Variants in CERS6 observed in about 807,000 individuals in gnomAD.
CERS6 encodes LAG1 homolog, ceramide synthase 6.
A neutral mutation model predicts 56.8 loss-of-function variants in CERS6; 26 were observed. The ratio of observed to expected loss-of-function variants is 0.46; its 90% CI spans 0.34 to 0.63. The LOEUF is 0.63. Ranked by LOEUF, CERS6 falls within the 30% of genes least tolerant of loss-of-function variation. The probability of loss-of-function intolerance (pLI) is 0.01; values close to 1 mark genes in which losing one functional copy is unlikely to be tolerated. For missense variants in CERS6, 415 were observed against 467.5 expected (o/e 0.89, Z 1.04); for synonymous variants, 164 against 173.3 (o/e 0.95, Z 0.42).
Position 168,477,173 on chromosome 2 carries a change from C to CAGAGAGAGAG in CERS6, c.170+20592_170+20601dup, listed in dbSNP as rs10609883. On this transcript the variant is annotated intron_variant, in intron 1 of 9. Transcript: ENST00000305747. ...AGGGAGGAAAGGAATGAGGGAGAGACAGAGAGAGAGAGAGAGAGAGAGAGA... is the reference window on the plus strand; with the variant it reads ...AGGGAGGAAAGGAATGAGGGAGAGACAGAGAGAGAGAGAGAGAGAGAGAGAGAGAGAGAGA... Among the ~76,000 whole-genome samples, 518 of 115,504 alleles carry CAGAGAGAGAG rather than the reference C, an allele frequency of 4.5e-3. 9 individuals carry two copies. Among genetic ancestry groups the CAGAGAGAGAG allele is most frequent in the African/African-American group, 0.01 (300 of 29,948 alleles). 75.8% of individuals were successfully genotyped at this position (115,504 alleles called of 152,430 possible).
At chr2:168,479,959 A>G (rs1465571228) in intron 1 of CERS6, among the ~76,000 whole-genome samples, 1 of 152,202 alleles carries the variant, frequency 6.6e-6, no homozygotes, top group East Asian at 1.9e-4. Context: ...CAAAGGTCTT[A>G]CATTTGAATT....
intron 2 of CERS6, among the ~76,000 whole-genome samples, chr2:168,558,479 C>T (rs1478813708): frequency 1.3e-5 from 2 of 152,154 alleles, no homozygotes; most frequent in African/African-American, 4.8e-5. Flanking sequence ...AAACCCAAAG[C>T]CCGGACAAAT....
intron 8 of CERS6, among the ~76,000 whole-genome samples, chr2:168,748,380 A>G (rs1316010870): frequency 6.6e-6 from 1 of 152,240 alleles, no homozygotes; most frequent in African/African-American, 2.4e-5. Flanking sequence ...TGTTAGTTAA[A>G]TAATTTTTTA....
chr2:168,521,976 A>G (rs1278323458), intron 1 of CERS6, among the ~76,000 whole-genome samples: 1 of 152,184 alleles, frequency 6.6e-6, no homozygotes, highest in African/African-American at 2.4e-5. Flanking sequence ...CACCTCCATC[A>G]TTGAAAGCCT....
chr2:168,533,156 CTTG>C (rs1259320698), intron 1 of CERS6, among the ~76,000 whole-genome samples: 4 of 152,132 alleles, frequency 2.6e-5, no homozygotes, highest in African/African-American at 4.8e-5. Flanking sequence ...GCATTTTATA[CTTG>C]TTGTATATCT....
intron 3 of CERS6, among the ~76,000 whole-genome samples, chr2:168,575,724 T>G (rs1683246602): frequency 6.6e-6 from 1 of 152,152 alleles, no homozygotes; most frequent in African/African-American, 2.4e-5. Context: ...TTTTATTCTT[T>G]TCCTAAGAAT....
intron 3 of CERS6, among the ~76,000 whole-genome samples, chr2:168,568,765 G>A (rs969730767): frequency 2.6e-5 from 4 of 152,192 alleles, no homozygotes; most frequent in Non-Finnish European, 5.9e-5. Context: ...CAGTAGTATA[G>A]TCACTTGTGC....
chr2:168,546,189 G>A (rs954709307), intron 1 of CERS6, among the ~76,000 whole-genome samples: 2 of 152,126 alleles, frequency 1.3e-5, no homozygotes, highest in Non-Finnish European at 2.9e-5. Context: ...ATAGAGAAGG[G>A]CCAGAGTCGT....
At position 168,774,063 on chromosome 2, in the gene CERS6, G is replaced by A. The variant is rs1024783091; in HGVS notation, c.*4401G>A. 1.3e-5 allele frequency: 2 copies of A among 152,214 alleles called. No individual in the cohort carries two copies. The highest frequency in any genetic ancestry group is 4.8e-5 in the African/African-American group (2 of 41,460). The allele number at this position is 152,214 out of a possible 1,614,324, so 9.4% of individuals were successfully genotyped here. On this transcript the variant is annotated 3_prime_UTR_variant, in exon 10 of 10. Coordinates refer to ENST00000305747, the MANE Select transcript of CERS6 (RefSeq NM_203463.3). ...CAAAGGAGAAGCTTGGTCTTTTCCA[G>A]GTATTTCCAACTTGAGTTCAACCCA...
chr2:168,506,106 T>C (rs534933333), intron 1 of CERS6, among the ~76,000 whole-genome samples: 29 of 152,310 alleles, frequency 1.9e-4, no homozygotes, highest in African/African-American at 7.0e-4. Flanking sequence ...TGCCAATTCA[T>C]GCGGCCTTCT....
At chr2:168,634,757 G>C (rs758996077) in intron 4 of CERS6, among the ~76,000 whole-genome samples, 1 of 152,144 alleles carries the variant, frequency 6.6e-6, no homozygotes. Context: ...ACACACGCAT[G>C]TATGTAAAAG....
intron 8 of CERS6, among the ~76,000 whole-genome samples, chr2:168,755,261 C>A (rs1459479912): frequency 6.6e-6 from 1 of 152,172 alleles, no homozygotes; most frequent in African/African-American, 2.4e-5. Flanking sequence ...AATAATGAGA[C>A]TGAATCTAAT....
chr2:168,463,075 G>A (rs978502239), intron 1 of CERS6, among the ~76,000 whole-genome samples: 2 of 152,126 alleles, frequency 1.3e-5, no homozygotes, highest in African/African-American at 4.8e-5. Context: ...CCTCTGTCAG[G>A]CCCTGTAAGG....
chr2:168,596,753 A>G (rs1403013308), intron 3 of CERS6, among the ~76,000 whole-genome samples: 1 of 151,940 alleles, frequency 6.6e-6, no homozygotes, highest in Non-Finnish European at 1.5e-5. Flanking sequence ...ATGGGGTTTC[A>G]CCATGTTGGC....
intron 3 of CERS6, among the ~76,000 whole-genome samples, chr2:168,566,314 C>A (rs777575234): frequency 1.2e-4 from 18 of 152,130 alleles, no homozygotes; most frequent in Non-Finnish European, 2.5e-4. Context: ...AAGATGACAG[C>A]TTAAGATTCC....
At chr2:168,756,438 A>C (rs1200990577) in intron 8 of CERS6, among the ~76,000 whole-genome samples, 1 of 152,238 alleles carries the variant, frequency 6.6e-6, no homozygotes, top group Non-Finnish European at 1.5e-5. Context: ...ACAAAGTAGT[A>C]ATGAAAGGAA....
intron 8 of CERS6, among the ~76,000 whole-genome samples, chr2:168,721,569 T>TAAACGA (rs1381972673): frequency 7.7e-6 from 1 of 130,710 alleles, no homozygotes; most frequent in Non-Finnish European, 1.6e-5. Context: ...TTTTTTTGTT[T>TAAACGA]AAAAAAAACC....
rs141909043 is a variant in CERS6, at chr2:168,629,363, G to A, written c.408-1622G>A. Among the ~76,000 whole-genome samples the A allele has an allele frequency of 5.3e-5, 8 of 152,166 alleles. No homozygotes were observed. The East Asian group carries it at 1.6e-3, about 30-fold the overall frequency. On this transcript the variant is annotated intron_variant, in intron 3 of 9. Transcript: ENST00000305747. ...CCTCCAGGGGCCAGACAAGGCAAATGCATGAAGTAGGCTAGTTCCATACTG... is the reference window on the plus strand; with the variant it reads ...CCTCCAGGGGCCAGACAAGGCAAATACATGAAGTAGGCTAGTTCCATACTG...
intron 1 of CERS6, among the ~76,000 whole-genome samples, chr2:168,490,844 G>A (rs1187141829): frequency 6.6e-6 from 1 of 151,232 alleles, no homozygotes; most frequent in African/African-American, 2.4e-5. Context: ...TGATGATAGT[G>A]TGTATAATGT....
Sources: allele counts gnomAD v4.1 joint callset (sites outside exome capture counted in the v4.1 genomes callset), GRCh38; gene constraint gnomAD v4.1.1; transcripts MANE v1.5; gene names NCBI Gene and HGNC (gene_info 2026-07-23, HGNC 2026-07-21).